CDS2: variants seen among roughly 807,000 people sequenced by gnomAD.
CDS2 encodes CDP-diacylglycerol synthase 2.
Under a neutral mutation model 59.0 loss-of-function variants are expected in CDS2, and 47 were observed. That is an observed-to-expected ratio of 0.80 (90% CI 0.63 to 1.02). The LOEUF is 1.02. CDS2 is among the 50% of genes least tolerant of loss of function. CDS2 has a pLI of 0.00. For missense variants in CDS2, 356 were observed against 558.9 expected, an observed-to-expected ratio of 0.64 and a Z score of 3.66; for synonymous variants, 207 against 206.4, an observed-to-expected ratio of 1.00 and a Z score of -0.02.
At chr20:5,131,132 G>A (rs1326343808) in intron 1 of CDS2, among the ~76,000 whole-genome samples, 5 of 149,258 alleles carry the variant, frequency 3.3e-5, no homozygotes, top group Non-Finnish European at 7.4e-5. Context: ...AAACTTGAAA[G>A]ATTCCTCAAA....
At chr20:5,161,131 G>GT (rs2090873619) in intron 1 of CDS2, among the ~76,000 whole-genome samples, 1 of 152,164 alleles carries the variant, frequency 6.6e-6, no homozygotes, top group Admixed American at 6.5e-5. Flanking sequence ...CTGCCAGGCT[G>GT]TTTACTATAG....
intron 1 of CDS2, among the ~76,000 whole-genome samples, chr20:5,155,239 T>G (rs1341917383): frequency 1.3e-5 from 2 of 152,210 alleles, no homozygotes; most frequent in Non-Finnish European, 2.9e-5. Flanking sequence ...TTAGTTGCAT[T>G]TATGTAACTG....
intron 1 of CDS2, among the ~76,000 whole-genome samples, chr20:5,160,976 CT>C (rs2090872639): frequency 6.6e-6 from 1 of 152,140 alleles, no homozygotes; most frequent in Non-Finnish European, 1.5e-5. Flanking sequence ...ATTGCTTCTA[CT>C]TTTTTGTTTA....
intron 1 of CDS2, among the ~76,000 whole-genome samples, chr20:5,152,756 CACACACAT>C: frequency 6.6e-6 from 1 of 152,298 alleles, no homozygotes; most frequent in African/African-American, 2.4e-5. Flanking sequence ...CACACACGCA[CACACACAT>C]GAATTAGTCT....
chr20:5,174,513 G>T (rs2090979897), intron 2 of CDS2, among the ~76,000 whole-genome samples: 1 of 152,118 alleles, frequency 6.6e-6, no homozygotes, highest in African/African-American at 2.4e-5. Context: ...GAGGCGGGTG[G>T]ATCAGGAGGT....
intron 1 of CDS2, among the ~76,000 whole-genome samples, chr20:5,143,168 A>G (rs2090709800): frequency 6.6e-6 from 1 of 152,162 alleles, no homozygotes; most frequent in African/African-American, 2.4e-5. Context: ...CAGATGATCA[A>G]TAAACATGAA....
intron 2 of CDS2, among the ~76,000 whole-genome samples, chr20:5,174,273 A>T (rs1026087409): frequency 6.6e-6 from 1 of 152,150 alleles, no homozygotes; most frequent in African/African-American, 2.4e-5. Context: ...TCCCCTTGGG[A>T]GTCTGAATTG....
chr20:5,151,458 T>A (rs939294120), intron 1 of CDS2, among the ~76,000 whole-genome samples: 3 of 152,176 alleles, frequency 2.0e-5, no homozygotes, highest in Non-Finnish European at 4.4e-5. Context: ...AAGTTAAAAC[T>A]AAGATTTAAA....
At chr20:5,152,132 G>A (rs145640438) in intron 1 of CDS2, among the ~76,000 whole-genome samples, 296 of 151,308 alleles carry the variant, frequency 2.0e-3, no homozygotes, top group African/African-American at 6.3e-3. Context: ...TTTAAAATAC[G>A]CATCGTTGGT....
chr20:5,160,168 A>G (rs982605091), intron 1 of CDS2, among the ~76,000 whole-genome samples: 3 of 152,198 alleles, frequency 2.0e-5, no homozygotes, highest in African/African-American at 7.2e-5. Context: ...GTAACTGGCC[A>G]CTGAATTAAA....
At chr20:5,164,628 G>GAAAA (rs11481738) in intron 1 of CDS2, among the ~76,000 whole-genome samples, 1 of 142,776 alleles carries the variant, frequency 7.0e-6, no homozygotes, top group African/African-American at 2.6e-5. Flanking sequence ...TTAATAAACT[G>GAAAA]AAAAAAAAAA....
chr20:5,132,943 C>T (rs1002133221), intron 1 of CDS2, among the ~76,000 whole-genome samples: 4 of 151,312 alleles, frequency 2.6e-5, no homozygotes, highest in South Asian at 2.1e-4. Flanking sequence ...GAGGCTGAGG[C>T]GGGCGGATCA....
chr20:5,173,703 C>T (rs1012072039), intron 2 of CDS2, 44 bp downstream of exon 2: 1 of 1,608,976 alleles, frequency 6.2e-7, no homozygotes, highest in African/African-American at 1.3e-5. Flanking sequence ...GGGCTTTGCA[C>T]CATGTCCAAG....
intron 1 of CDS2, among the ~76,000 whole-genome samples, chr20:5,143,586 GTCTCTGCTTTCAGT>G (rs1171747803): frequency 5.8e-4 from 87 of 151,010 alleles, no homozygotes; most frequent in African/African-American, 1.8e-3. Flanking sequence ...ATCTGTTTGA[GTCTCTGCTTTCAGT>G]TCTTTTTCTT....
chr20:5,128,635 G>A (rs1223411490), intron 1 of CDS2: 1 of 152,132 alleles, frequency 6.6e-6, no homozygotes, highest in Non-Finnish European at 1.5e-5. Flanking sequence ...TTTAGGGCTG[G>A]GGCTGAGGAT....
At chr20:5,167,447 A>G (rs1482274164) in intron 1 of CDS2, among the ~76,000 whole-genome samples, 1 of 152,206 alleles carries the variant, frequency 6.6e-6, no homozygotes, top group Non-Finnish European at 1.5e-5. Flanking sequence ...GAACTTGTCA[A>G]ATGGAGTTAG....
chr20:5,162,705 T>G (rs977744071), intron 1 of CDS2, among the ~76,000 whole-genome samples: 1 of 151,386 alleles, frequency 6.6e-6, no homozygotes, highest in Non-Finnish European at 1.5e-5. Context: ...AGGGAGAGAG[T>G]GTGGTAGGTC....
intron 1 of CDS2, among the ~76,000 whole-genome samples, chr20:5,163,553 G>A (rs1027548385): frequency 3.7e-4 from 56 of 151,756 alleles, no homozygotes; most frequent in African/African-American, 1.3e-3. Flanking sequence ...GAGCCACTGC[G>A]CCTGGCCAGT....
rs1236591314 is a variant in CDS2, at chr20:5,196,068, G to A, written c.*5834G>A. The A allele has an allele frequency of 6.6e-6, 1 of 152,176 alleles. No homozygotes were observed. Among genetic ancestry groups the A allele is most frequent in the East Asian group, 1.9e-4 (1 of 5,188 alleles). 9.4% of individuals were successfully genotyped at this position (152,176 alleles called of 1,614,324 possible). A position where few individuals can be genotyped will look rare whatever the true frequency, so the allele number is the denominator to read the frequency against. On this transcript the variant is annotated 3_prime_UTR_variant, in exon 13 of 13. Transcript: ENST00000460006. ...TGAATAATAACTGAACTACTGGTTT[G>A]ACTGTGGATTATTTCCTGGGTATTA...
Sources: gnomAD v4.1 joint callset for allele counts (sites outside exome capture counted in the v4.1 genomes callset) on GRCh38, gnomAD v4.1.1 for gene constraint, MANE v1.5 for transcripts, NCBI Gene and HGNC (gene_info 2026-07-23, HGNC 2026-07-21) for gene names.